Variants in CAPN7 observed in about 807,000 individuals in gnomAD.
CAPN7 encodes calpain-7.
A neutral mutation model predicts 115.2 loss-of-function variants in CAPN7; 72 were observed. The observed-to-expected ratio is 0.63, with a 90% CI of 0.52 to 0.76. The LOEUF is 0.76. Among genes scored for constraint, CAPN7 ranks in the 30% least tolerant of loss-of-function variants. CAPN7 has a pLI of 0.00. For synonymous variants in CAPN7, 344 were observed against 322.3 expected (o/e 1.07, Z -0.72); for missense variants, 905 against 971.5 (o/e 0.93, Z 0.91).
intron 2 of CAPN7, among the ~76,000 whole-genome samples, chr3:15,214,516 A>G (rs562446449): frequency 6.6e-6 from 1 of 152,192 alleles, no homozygotes; most frequent in East Asian, 1.9e-4. Context: ...TGAATCTAGG[A>G]GTTCAAGATC....
intron 1 of CAPN7, among the ~76,000 whole-genome samples, chr3:15,211,853 G>A (rs550654758): frequency 6.6e-6 from 1 of 152,214 alleles, no homozygotes; most frequent in South Asian, 2.1e-4. Context: ...TCACACCACT[G>A]CACTCCAGCC....
chr3:15,206,321 CGGTGGACCCCA>C lies in CAPN7; in HGVS notation c.-173_-163del. On this transcript the variant is annotated 5_prime_UTR_variant, in exon 1 of 21. Coordinates refer to ENST00000253693, the MANE Select transcript of CAPN7 (RefSeq NM_014296.3). ...GTCTGGGCTGAGGGGCGCGGCTTCG[CGGTGGACCCCA>C]GCCCGGCAACGGGAAGGCGAGCTCT... The C allele has an allele frequency of 3.7e-6, 2 of 538,250 alleles. No homozygotes were observed. Among genetic ancestry groups the C allele is most frequent in the Non-Finnish European group, 3.2e-6 (1 of 308,014 alleles). The allele number at this position is 538,250 out of a possible 1,614,324, so 33.3% of individuals were successfully genotyped here.
At chr3:15,246,138 A>G (rs1254437015) in intron 17 of CAPN7, 1 of 154,454 alleles carries the variant, frequency 6.5e-6, no homozygotes, top group Non-Finnish European at 1.4e-5. Context: ...GGGTATCACC[A>G]TGTTGGCCAG....
intron 9 of CAPN7, chr3:15,231,969 T>C (rs1694719066): frequency 9.9e-6 from 2 of 201,058 alleles, no homozygotes; most frequent in Admixed American, 6.3e-5. Context: ...ACAATAATAC[T>C]GCATTTAAAA....
At position 15,212,227 on chromosome 3, in the gene CAPN7, A is replaced by G. The variant is rs1342356323; in HGVS notation, c.211+15A>G. ...ACATTCAGCAGGTTAGTAAAGGACT[A>G]CTAAACTTGTCACTCTATTTTTTCT... is the stretch of plus-strand genomic sequence containing the variant. On this transcript the variant is annotated intron_variant, in intron 2 of 20. Transcript: ENST00000253693. The G allele has an allele frequency of 8.6e-6, 12 of 1,394,658 alleles. No homozygotes were observed. The highest frequency in any genetic ancestry group is 4.7e-5 in the East Asian group (2 of 42,254). The allele number at this position is 1,394,658 out of a possible 1,614,324, so 86.4% of individuals were successfully genotyped here. A position where few individuals can be genotyped will look rare whatever the true frequency, so the allele number is the denominator to read the frequency against.
chr3:15,213,923 A>G (rs1452056147), intron 2 of CAPN7, among the ~76,000 whole-genome samples: 1 of 145,816 alleles, frequency 6.9e-6, no homozygotes, highest in East Asian at 2.0e-4. Context: ...TCTGTCTTCC[A>G]GGCTGGAGTG....
intron 10 of CAPN7, 26 bp from the exon 11 acceptor site, chr3:15,233,841 A>T: frequency 1.7e-6 from 2 of 1,179,140 alleles, no homozygotes; most frequent in Non-Finnish European, 2.5e-6. Flanking sequence ...TGACACTGGC[A>T]GTCCTGAAAT....
At chr3:15,237,854 G>A (rs1695086543) in intron 12 of CAPN7, among the ~76,000 whole-genome samples, 1 of 151,812 alleles carries the variant, frequency 6.6e-6, no homozygotes, top group Non-Finnish European at 1.5e-5. Flanking sequence ...GCACGTGCCT[G>A]TAGTCCCAGC....
intron 19 of CAPN7, among the ~76,000 whole-genome samples, chr3:15,248,279 T>C (rs1036648412): frequency 4.6e-5 from 7 of 152,224 alleles, no homozygotes; most frequent in Admixed American, 1.3e-4. Context: ...ATTGGAAACA[T>C]ATATTCATTG....
At chr3:15,231,420 A>G (rs1325314757) in intron 9 of CAPN7, among the ~76,000 whole-genome samples, 1 of 152,198 alleles carries the variant, frequency 6.6e-6, no homozygotes, top group Non-Finnish European at 1.5e-5. Context: ...TATTGAGAAT[A>G]ATTTTACTGA....
chr3:15,246,886 C>A, intron 18 of CAPN7, 92 bp downstream of exon 18: 2 of 1,017,968 alleles, frequency 2.0e-6, no homozygotes, highest in Non-Finnish European at 2.9e-6. Context: ...TTATATTTAG[C>A]AAAGGCTTCA....
chr3:15,232,466 A>T (rs1167790456), intron 9 of CAPN7, 53 bp from the exon 10 acceptor site: 1 of 1,422,228 alleles, frequency 7.0e-7, no homozygotes, highest in Non-Finnish European at 9.6e-7. Context: ...CTTGATAGAA[A>T]GGATTTTAAG....
intron 2 of CAPN7, 128 bp from the exon 3 acceptor site, chr3:15,217,297 A>T (rs1693686419): frequency 2.6e-6 from 2 of 781,960 alleles, no homozygotes; most frequent in Non-Finnish European, 3.7e-6. Context: ...GGATTTTTTT[A>T]ACCTTGCTAA....
In CAPN7 at chr3:15,230,455, C is replaced by T. The variant is rs1304933262; in HGVS notation, c.952C>T (p.Gln318Ter). The change falls in exon 9 of 21, where the codon CAA (glutamine) becomes TAA (stop). Residue 318 changes from glutamine (Q) to a stop codon, truncating the protein, a stop_gained. Coordinates refer to ENST00000253693, the MANE Select transcript of CAPN7 (RefSeq NM_014296.3). LOFTEE classifies it high-confidence loss of function. ...TTCTTACAAAAGCATAATTTACCCT[C>T]AAAACAAGGATGGTGAACCAGAATA... Reference protein sequence around the residue: ...KKLITGIIYPQNKDGEPEYNP... With the variant: ...KKLITGIIYP The T allele has an allele frequency of 6.2e-7, 1 of 1,610,320 alleles. No individual in the cohort carries two copies. Among genetic ancestry groups the T allele is most frequent in the Non-Finnish European group, 8.5e-7 (1 of 1,176,848 alleles).
At chr3:15,241,649 G>A (rs1238544083) in intron 15 of CAPN7, 61 bp downstream of exon 15, 3 of 1,440,112 alleles carry the variant, frequency 2.1e-6, no homozygotes, top group East Asian at 2.3e-5. Context: ...TTAGAACATT[G>A]TGAAAGACAT....
intron 14 of CAPN7, 78 bp downstream of exon 14, chr3:15,240,931 G>A (rs932186171): frequency 7.7e-6 from 7 of 906,176 alleles, no homozygotes; most frequent in African/African-American, 6.6e-5. Context: ...GGTGCCAGGC[G>A]CAGTGGCTCA....
chr3:15,249,471 G>A (rs1361391230), intron 19 of CAPN7, among the ~76,000 whole-genome samples: 4 of 151,736 alleles, frequency 2.6e-5, no homozygotes, highest in African/African-American at 9.7e-5. Context: ...ATTTTGCTGT[G>A]GACAGGAACT....
Position 15,211,111 on chromosome 3 carries a change from T to A in CAPN7, c.103-993T>A, listed in dbSNP as rs1220562390. Among the ~76,000 whole-genome samples the A allele has an allele frequency of 2.0e-5, 3 of 152,222 alleles. No homozygotes were observed. The East Asian group carries it at 5.8e-4, about 29-fold the overall frequency. ...TTAAAATAAGTGTAATTTATACAAC[T>A]AAAATCTGCTTTAAAATGTGTCATC... On this transcript the variant is annotated intron_variant, in intron 1 of 20. Transcript: ENST00000253693.
At chr3:15,241,616 A>T (rs957102098) in intron 15 of CAPN7, 28 bp downstream of exon 15, 2 of 1,594,458 alleles carry the variant, frequency 1.3e-6, no homozygotes, top group Non-Finnish European at 1.7e-6. Context: ...ATGATATCCC[A>T]TACAGAAATT....
Sources: allele counts gnomAD v4.1 joint callset (sites outside exome capture counted in the v4.1 genomes callset), GRCh38; gene constraint gnomAD v4.1.1; transcripts MANE v1.5; gene names NCBI Gene and HGNC (gene_info 2026-07-23, HGNC 2026-07-21).